Variants in AP3D1 observed in about 807,000 individuals in gnomAD.
AP3D1 encodes the protein adaptor related protein complex 3 subunit delta 1.
Under a neutral mutation model 147.6 loss-of-function variants are expected in AP3D1, and 51 were observed. That is an observed-to-expected ratio of 0.35 (90% CI 0.28 to 0.44). AP3D1 has a LOEUF of 0.44. Among genes scored for constraint, AP3D1 ranks in the 20% least tolerant of loss-of-function variants. The pLI, the probability that AP3D1 is intolerant of heterozygous loss-of-function variation, is 1.00. For missense variants in AP3D1, 1,421 were observed against 1,624.2 expected (o/e 0.87, Z 2.15); for synonymous variants, 760 against 663.0 (o/e 1.15, Z -2.25).
Position 2,147,807 on chromosome 19 carries a change from C to A in AP3D1, c.96+3432G>T, listed in dbSNP as rs1335051727. On this transcript the variant is annotated intron_variant, in intron 1 of 31. Coordinates refer to ENST00000643116, the MANE Select transcript of AP3D1 (RefSeq NM_001261826.3). ...TGCTTGGGAGGTTGAGTCACTTGAACCTGGGAGGTGGAGGTTGCAGTGAGC... is the reference window on the plus strand; with the variant it reads ...TGCTTGGGAGGTTGAGTCACTTGAAACTGGGAGGTGGAGGTTGCAGTGAGC... Among the ~76,000 whole-genome samples, 3 of 151,460 alleles carry A rather than the reference C, an allele frequency of 2.0e-5. No individual in the cohort carries two copies. In the East Asian group the frequency reaches 5.8e-4, roughly 29 times the overall value.
chr19:2,121,993 C>T, intron 11 of AP3D1, 114 bp from the exon 12 acceptor site: 1 of 1,253,220 alleles, frequency 8.0e-7, no homozygotes, highest in Admixed American at 2.6e-5. Flanking sequence ...CTGGCCTTGG[C>T]AACCTGGGGG....
At position 2,140,755 on chromosome 19, in the gene AP3D1, CTTTTT is replaced by C. The variant is rs71176516; in HGVS notation, c.97-2046_97-2042del. ...CTCAGACCAAGCCTCACACAAACGT[CTTTTT>C]TTTTTTTTTTTTTTTTTGAGACGGA... On this transcript the variant is annotated intron_variant, in intron 1 of 31. Transcript: ENST00000643116. 2.0e-3 allele frequency among the ~76,000 whole-genome samples: 211 copies of C among 107,204 alleles called. 1 individual carries two copies. Among genetic ancestry groups the C allele is most frequent in the African/African-American group, 6.8e-3 (204 of 29,836 alleles). 70.3% of individuals were successfully genotyped at this position (107,204 alleles called of 152,430 possible).
At chr19:2,123,595 C>A (rs558129578) in intron 10 of AP3D1, among the ~76,000 whole-genome samples, 189 bp from the exon 11 acceptor site, 6 of 152,294 alleles carry the variant, frequency 3.9e-5, no homozygotes, top group Admixed American at 3.9e-4. Context: ...CTGCTTCCCA[C>A]GGGCGCTCTC....
At chr19:2,156,677 C>T (rs1013983040) in intron 1 of AP3D1, among the ~76,000 whole-genome samples, 16 of 152,012 alleles carry the variant, frequency 1.1e-4, no homozygotes, top group African/African-American at 3.1e-4. Flanking sequence ...AGTGAAACCC[C>T]GTCTCTACTA....
At chr19:2,112,077 G>C (rs996274290) in intron 24 of AP3D1, 18 of 570,598 alleles carry the variant, frequency 3.2e-5, no homozygotes, top group Non-Finnish European at 5.3e-5. Flanking sequence ...CCACCGACCA[G>C]GGAGCCATGC....
chr19:2,127,056 G>C, intron 9 of AP3D1, 96 bp downstream of exon 9: 1 of 1,349,738 alleles, frequency 7.4e-7, no homozygotes, highest in South Asian at 1.2e-5. Flanking sequence ...CAGGGGTGGC[G>C]CTCGGAGACA....
At chr19:2,143,916 C>G (rs971074814) in intron 1 of AP3D1, among the ~76,000 whole-genome samples, 4 of 151,992 alleles carry the variant, frequency 2.6e-5, no homozygotes, top group African/African-American at 9.7e-5. Flanking sequence ...GGAGAAACCC[C>G]ATCTCCGCTA....
intron 12 of AP3D1, 140 bp downstream of exon 12, chr19:2,121,594 C>T (rs1165916317): frequency 1.6e-6 from 2 of 1,243,046 alleles, no homozygotes; most frequent in African/African-American, 1.5e-5. Context: ...GGACTGGCGC[C>T]CCTCTGCCCT....
chr19:2,114,301 G>A lies in AP3D1; in HGVS notation c.2425C>T (p.Pro809Ser), dbSNP rs764085758. The change falls in exon 22 of 32, where the codon CCC becomes TCC. Residue 809 changes from proline (P) to serine (S), a missense_variant and splice_region_variant. This residue lies in a region of AP3D1 where 791 missense variants were observed against 761.4 expected (regional missense o/e 1.04). Coordinates refer to ENST00000643116, the MANE Select transcript of AP3D1 (RefSeq NM_001261826.3). ...YRALDIDLDK[P>S]LADSEKLPIQ... is the part of the protein sequence containing the mutation. Reference sequence around the variant, plus strand: ...GGCAGTTTCTCGCTGTCGGCTAAGGGCCTGGAGGAGGAATGACCGGGCCAC... The same window carrying A: ...GGCAGTTTCTCGCTGTCGGCTAAGGACCTGGAGGAGGAATGACCGGGCCAC... 1.2e-6 allele frequency: 2 copies of A among 1,610,478 alleles called. No homozygotes were observed. Among genetic ancestry groups the A allele is most frequent in the Non-Finnish European group, 1.7e-6 (2 of 1,178,880 alleles).
chr19:2,156,366 A>C (rs1016374935), upstream of AP3D1, among the ~76,000 whole-genome samples: 2 of 151,992 alleles, frequency 1.3e-5, no homozygotes, highest in Non-Finnish European at 2.9e-5. Flanking sequence ...CAAATCATCC[A>C]TTCATACATA....
At position 2,111,675 on chromosome 19, in the gene AP3D1, T is replaced by C; in HGVS notation, c.2937+4A>G. 1 of 1,584,290 alleles carries C rather than the reference T, an allele frequency of 6.3e-7. No individual in the cohort carries two copies. The highest frequency in any genetic ancestry group is 8.6e-7 in the Non-Finnish European group (1 of 1,168,520). On this transcript the variant is annotated splice_donor_region_variant and intron_variant, in intron 25 of 31. Coordinates refer to ENST00000643116, the MANE Select transcript of AP3D1 (RefSeq NM_001261826.3). ...TGGGGCGGGGGCGCTGAAGTACCCC[T>C]CACCGGGAGCTGCTCCTCCTCTGGC...
At chr19:2,151,070 G>A (rs1310558872) in intron 1 of AP3D1, among the ~76,000 whole-genome samples, 169 bp downstream of exon 1, 1 of 152,256 alleles carries the variant, frequency 6.6e-6, no homozygotes, top group African/African-American at 2.4e-5. Flanking sequence ...GGACCGAGGA[G>A]GTGGGCGGCG....
chr19:2,111,782 T>C lies in AP3D1; in HGVS notation c.2834A>G (p.Glu945Gly). The C allele has an allele frequency of 1.9e-6, 3 of 1,613,770 alleles. No homozygotes were observed. Among genetic ancestry groups the C allele is most frequent in the Non-Finnish European group, 1.7e-6 (2 of 1,179,870 alleles). ...GGACTTCTTCTTGCCTTTGGTCCGC[T>C]CCTCCTTCTCCTTCCTGTGCTTCTT... ...KKKKHRKEKE[E>G]RTKGKKKSKK... The change falls in exon 25 of 32, where the codon GAG becomes GGG. Residue 945 changes from glutamate to glycine, a missense_variant. Physicochemically the swap from Glu to Gly is moderately conservative, Grantham distance 98 (BLOSUM62 -2). Coordinates refer to ENST00000643116, the MANE Select transcript of AP3D1 (RefSeq NM_001261826.3).
At chr19:2,131,479 G>C (rs1415739387) in intron 5 of AP3D1, among the ~76,000 whole-genome samples, 1 of 144,294 alleles carries the variant, frequency 6.9e-6, no homozygotes, top group African/African-American at 2.6e-5. Flanking sequence ...CCACGATCTA[G>C]ACACCCGGTG....
chr19:2,143,962 T>G (rs750620253), intron 1 of AP3D1, among the ~76,000 whole-genome samples: 4 of 151,758 alleles, frequency 2.6e-5, no homozygotes, highest in Non-Finnish European at 4.4e-5. Context: ...GGCTCGCACC[T>G]GTAATCCCAG....
rs755366311 is a variant in AP3D1, at chr19:2,126,044, T to TTAA, written c.856+1105_856+1107dup. On this transcript the variant is annotated intron_variant, in intron 9 of 31. Transcript: ENST00000643116. ...GCGCCTGTAGAAGCAAGAGGACTGC[T>TTAA]TAAGCCCGGGAGGTCAAGGCTGCAG... 3.3e-4 allele frequency among the ~76,000 whole-genome samples: 50 copies of TTAA among 151,914 alleles called. No homozygotes were observed. In the South Asian group the frequency reaches 3.3e-3, roughly 10 times the overall value.
intron 23 of AP3D1, 167 bp downstream of exon 23, chr19:2,113,169 T>G (rs970669639): frequency 6.4e-6 from 4 of 627,336 alleles, no homozygotes; most frequent in South Asian, 4.0e-5. Flanking sequence ...CTTGGCCCAC[T>G]GGGACCCGGG....
intron 9 of AP3D1, among the ~76,000 whole-genome samples, chr19:2,125,615 G>A (rs1168384975): frequency 2.6e-5 from 4 of 152,100 alleles, no homozygotes; most frequent in South Asian, 4.1e-4. Context: ...CACCACGCCC[G>A]GCCAGGAGTG....
Position 2,116,293 on chromosome 19 carries a change from T to C in AP3D1, c.2002-15A>G. 9 of 1,613,318 alleles carry C rather than the reference T, an allele frequency of 5.6e-6. No homozygotes were observed. The highest frequency in any genetic ancestry group is 7.6e-6 in the Non-Finnish European group (9 of 1,179,762). ...GCCTCTCGGCGCTGTGGGACACAGC[T>C]TGGCATGAGCCCGAGAGAAGCGGGC... On this transcript the variant is annotated splice_polypyrimidine_tract_variant and intron_variant, in intron 17 of 31. Transcript: ENST00000643116.
Sources: gnomAD v4.1 joint callset for allele counts (sites outside exome capture counted in the v4.1 genomes callset) on GRCh38, gnomAD v4.1.1 for gene constraint, gnomAD v4.1.1 regional missense constraint, MANE v1.5 for transcripts, NCBI Gene and HGNC (gene_info 2026-07-23, HGNC 2026-07-21) for gene names.